Variants in TEX11 observed in about 807,000 individuals in gnomAD.
TEX11 encodes the protein testis-expressed protein 11.
A neutral mutation model predicts 84.4 loss-of-function variants in TEX11; 7 were observed. That is an observed-to-expected ratio of 0.08 (90% CI 0.05 to 0.16). The LOEUF (loss-of-function observed/expected upper bound fraction) is 0.16. Among genes scored for constraint, TEX11 ranks in the 10% least tolerant of loss-of-function variants. TEX11 has a pLI of 1.00. For synonymous variants in TEX11, 264 were observed against 222.8 expected (o/e 1.18, Z -1.64); for missense variants, 551 against 660.5 (o/e 0.83, Z 1.82).
chrX:70,694,368 T>TAAAAC (rs752930566), intron 13 of TEX11, among the ~76,000 whole-genome samples: 1,461 of 111,396 alleles, frequency 0.013, 19 homozygotes, highest in African/African-American at 0.045. Flanking sequence ...ACTCAATACT[T>TAAAAC]AAAACAAAAC....
At chrX:70,703,854 G>C (rs979752280) in intron 13 of TEX11, among the ~76,000 whole-genome samples, 1 of 111,769 alleles carries the variant, frequency 8.9e-6, no homozygotes, top group Non-Finnish European at 1.9e-5. Context: ...CTACTTACTA[G>C]CTCTGTGACC....
chrX:70,884,579 T>C (rs938131546), intron 2 of TEX11, among the ~76,000 whole-genome samples: 1 of 111,449 alleles, frequency 9.0e-6, no homozygotes, highest in Admixed American at 9.6e-5. Flanking sequence ...TAAAATTACA[T>C]TGTAAATCGT....
At chrX:70,677,600 C>G (rs2090083323) in intron 15 of TEX11, among the ~76,000 whole-genome samples, 1 of 110,592 alleles carries the variant, frequency 9.0e-6, no homozygotes, top group Non-Finnish European at 1.9e-5. Context: ...TCAATCTTTT[C>G]TTTTACAATG....
chrX:70,594,877 C>T (rs1007978261), intron 24 of TEX11, among the ~76,000 whole-genome samples: 3 of 111,029 alleles, frequency 2.7e-5, no homozygotes, highest in Non-Finnish European at 5.7e-5. Flanking sequence ...TTTCCTGAGG[C>T]CTCCCCATCC....
rs764783685 is a variant in TEX11 at position 70,569,755 on chromosome X, G to A, written c.2141-14955C>T. Among the ~76,000 whole-genome samples, 16 of 111,250 alleles carry A rather than the reference G, an allele frequency of 1.4e-4. No individual in the cohort carries two copies. The East Asian group carries it at 2.0e-3, about 14-fold the overall frequency. On this transcript the variant is annotated intron_variant, in intron 25 of 29. Coordinates refer to ENST00000374333, the MANE Select transcript of TEX11 (RefSeq NM_031276.3). The stretch of plus-strand genomic sequence containing the variant: ...GAACCGCAAATGCTGCTGTCTGATC[G>A]TTCCGCTGGAAGTTTTGTCTCAGAG...
intron 25 of TEX11, among the ~76,000 whole-genome samples, chrX:70,582,203 T>A (rs2088785697): frequency 8.9e-6 from 1 of 111,945 alleles, no homozygotes; most frequent in Admixed American, 9.5e-5. Flanking sequence ...ATAATTAGAC[T>A]CTACTATCTG....
chrX:70,521,107 C>T, the TEX11 span, among the ~76,000 whole-genome samples: 7 of 111,113 alleles, frequency 6.3e-5, no homozygotes, highest in Non-Finnish European at 5.7e-5. Context: ...GAGGTGATGT[C>T]CCGCCCTGCT....
chrX:70,564,941 A>G (rs1353833570), intron 25 of TEX11, among the ~76,000 whole-genome samples: 3 of 109,077 alleles, frequency 2.8e-5, no homozygotes, highest in Non-Finnish European at 3.8e-5. Context: ...TGCTGGGTCA[A>G]ATGGTATTTC....
At chrX:70,863,978 T>C (rs1268368653) in intron 4 of TEX11, among the ~76,000 whole-genome samples, 1 of 111,177 alleles carries the variant, frequency 9.0e-6, no homozygotes. Context: ...ATGTCAGAGA[T>C]TGAAGACCGT....
At chrX:70,525,824 G>A (rs1266358532), downstream of TEX11, among the ~76,000 whole-genome samples, 1 of 112,267 alleles carries the variant, frequency 8.9e-6, no homozygotes, top group Non-Finnish European at 1.9e-5. Context: ...ACTGACACAT[G>A]AGCCGACTTC....
chrX:70,873,037 GA>G (rs201011589), intron 4 of TEX11, among the ~76,000 whole-genome samples, 185 bp downstream of exon 4: 1 of 109,290 alleles, frequency 9.1e-6, no homozygotes, highest in Non-Finnish European at 1.9e-5. Flanking sequence ...GCTAACCTCT[GA>G]AAAAAAAATC....
chrX:70,685,166 C>A (rs886575101), intron 13 of TEX11, among the ~76,000 whole-genome samples: 1 of 111,852 alleles, frequency 8.9e-6, no homozygotes, highest in Non-Finnish European at 1.9e-5. Flanking sequence ...GAGTTTGAGA[C>A]CAGCCTGGCC....
chrX:70,854,615 G>A (rs756469814), intron 5 of TEX11, among the ~76,000 whole-genome samples: 1 of 109,068 alleles, frequency 9.2e-6, no homozygotes, highest in Non-Finnish European at 1.9e-5. Context: ...GCACACCTGT[G>A]GTCTCAGCTA....
intron 25 of TEX11, among the ~76,000 whole-genome samples, chrX:70,569,423 G>A (rs1003231378): frequency 2.2e-4 from 25 of 111,976 alleles, no homozygotes; most frequent in Non-Finnish European, 3.2e-4. Context: ...GTCCTTCTCC[G>A]TCCAGCTTTG....
intron 2 of TEX11, among the ~76,000 whole-genome samples, chrX:70,894,776 C>T (rs1051858936): frequency 2.7e-5 from 3 of 111,756 alleles, no homozygotes; most frequent in African/African-American, 9.7e-5. Flanking sequence ...GAACCAATGA[C>T]AGAAAGCACA....
intron 1 of TEX11, among the ~76,000 whole-genome samples, 163 bp downstream of exon 1, chrX:70,908,491 C>T (rs963995799): frequency 8.9e-6 from 1 of 112,553 alleles, no homozygotes; most frequent in Non-Finnish European, 1.9e-5. Context: ...TCTTCGTTCG[C>T]CTTGAGAGCG....
intron 2 of TEX11, 79 bp downstream of exon 2, chrX:70,907,674 G>C: frequency 1.2e-6 from 1 of 809,282 alleles, no homozygotes. Flanking sequence ...TTACAGGCGT[G>C]AGCCACCGCG....
At chrX:70,733,833 T>C (rs2090674217) in intron 11 of TEX11, among the ~76,000 whole-genome samples, 1 of 111,762 alleles carries the variant, frequency 8.9e-6, no homozygotes, top group South Asian at 3.8e-4. Flanking sequence ...TAAATCATGC[T>C]GCTATAAAGA....
intron 17 of TEX11, among the ~76,000 whole-genome samples, chrX:70,636,494 T>G (rs969665257): frequency 1.8e-5 from 2 of 111,326 alleles, no homozygotes; most frequent in Admixed American, 9.4e-5. Context: ...CCCACTGACC[T>G]AGGACTGAGG....
Sources: gnomAD v4.1 joint callset for allele counts (sites outside exome capture counted in the v4.1 genomes callset) on GRCh38, gnomAD v4.1.1 for gene constraint, MANE v1.5 for transcripts, NCBI Gene and HGNC (gene_info 2026-07-23, HGNC 2026-07-21) for gene names.